The following FGFR4 variants were observed in gnomAD, a reference collection of about 807,000 sequenced individuals.
FGFR4 encodes the protein hydroxyaryl-protein kinase.
A neutral mutation model predicts 89.9 loss-of-function variants in FGFR4; 63 were observed. The observed-to-expected ratio is 0.70, with a 90% confidence interval of 0.57 to 0.86. The LOEUF is 0.86. FGFR4 is among the 40% of genes least tolerant of loss of function. The pLI, the probability that FGFR4 is intolerant of heterozygous loss-of-function variation, is 0.00. For missense variants in FGFR4, 928 were observed against 1,106.7 expected, an observed-to-expected ratio of 0.84 and a Z score of 2.29; for synonymous variants, 486 against 479.4, an observed-to-expected ratio of 1.01 and a Z score of -0.18.
rs769335792 is a variant in FGFR4 at position 177,092,375 on chromosome 5, C to T, written c.782C>T (p.Ala261Val). The T allele has an allele frequency of 6.2e-7, 1 of 1,606,768 alleles. No individual in the cohort carries two copies. Among genetic ancestry groups the T allele is most frequent in the Non-Finnish European group, 8.5e-7 (1 of 1,174,714 alleles). Residue 261 changes from alanine to valine, a missense_variant, in exon 7 of 18, where the codon GCC becomes GTC. Ala to Val is a moderately conservative substitution (Grantham distance 64). Around this residue, in one of 5 missense-constraint regions of FGFR4, gnomAD observed 741 missense variants for 836.9 expected, o/e 0.89. Transcript: ENST00000292408. ...GCCGGGCTCCCGGCCAACACCACAG[C>T]CGTGGTGGGCAGCGACGTGGAGCTG... ...LQAGLPANTTAVVGSDVELLC... is the reference protein window; with the variant it reads ...LQAGLPANTTVVVGSDVELLC...
rs979979470 is a variant in FGFR4, at chr5:177,089,684, G to A, written c.82G>A (p.Val28Met). The A allele has an allele frequency of 5.0e-6, 8 of 1,613,908 alleles. No individual in the cohort carries two copies. The highest frequency in any genetic ancestry group is 1.1e-5 in the South Asian group (1 of 91,026). The change falls in exon 2 of 18, where the codon GTG becomes ATG. Residue 28 changes from valine to methionine, a missense_variant. Transcript: ENST00000292408. ...CTTGTCCCTGGAGGCCTCTGAGGAA[G>A]TGGAGCTTGGTATGGCTTCTGAGGT... ...PVLSLEASEE[V>M]ELEPCLAPSL...
rs576199939 is a variant in FGFR4 at position 177,088,833 on chromosome 5, C to T, written c.-53-717C>T. On this transcript the variant is annotated intron_variant, in intron 1 of 17. Coordinates refer to ENST00000292408, the MANE Select transcript of FGFR4 (RefSeq NM_213647.3). ...CACTCTGCGTGCCGACGCACGTTCT[C>T]TCTTTTATCCTCAAAACAGTCCTAT... is the stretch of plus-strand genomic sequence containing the variant. Among the ~76,000 whole-genome samples the T allele has an allele frequency of 3.7e-5, 5 of 136,402 alleles. No homozygotes were observed. The South Asian group carries it at 1.3e-3, about 35-fold the overall frequency. 89.5% of individuals were successfully genotyped at this position (136,402 alleles called of 152,430 possible).
At position 177,095,221 on chromosome 5, in the gene FGFR4, C is replaced by T. The variant is rs1156604458; in HGVS notation, c.1520-109C>T. 1 of 884,102 alleles carries T rather than the reference C, an allele frequency of 1.1e-6. No individual in the cohort carries two copies. Among genetic ancestry groups the T allele is most frequent in the Non-Finnish European group, 1.9e-6 (1 of 531,640 alleles). The allele number at this position is 884,102 out of a possible 1,614,324, so 54.8% of individuals were successfully genotyped here. On this transcript the variant is annotated intron_variant, in intron 11 of 17. Transcript: ENST00000292408. This position sits in a 1 kb window ranked among gnomAD's most constrained non-coding sequence, Gnocchi z 5.7. ...CCACACAGCCTAGCAAGGATTCAGCCCTAGACCTACGTAGCCCTGGTCCAG... is the reference window on the plus strand; with the variant it reads ...CCACACAGCCTAGCAAGGATTCAGCTCTAGACCTACGTAGCCCTGGTCCAG...
rs752347179 is a variant in FGFR4, at chr5:177,093,518, C to T, written c.1364C>T (p.Pro455Leu). 6.2e-6 allele frequency: 10 copies of T among 1,613,914 alleles called. No individual in the cohort carries two copies. Among genetic ancestry groups the T allele is most frequent in the Admixed American group, 1.7e-5 (1 of 60,030 alleles). The part of the protein sequence containing the change: ...LLAGLVSLDL[P>L]LDPLWEFPRD... ...GCCGGCCTCGTGAGTCTAGATCTAC[C>T]TCTCGACCCACTATGGGAGTTCCCC... Residue 455 changes from proline (P) to leucine (L), a missense_variant, in exon 10 of 18, where the codon CCT becomes CTT. Coordinates refer to ENST00000292408, the MANE Select transcript of FGFR4 (RefSeq NM_213647.3). This position sits in a 1 kb window ranked among gnomAD's most constrained non-coding sequence, Gnocchi z 5.8.
Position 177,095,729 on chromosome 5 carries a change from G to A in FGFR4, c.1821+6G>A, listed in dbSNP as rs1400011698. ...AGTATCTGGAGTCCCGGAAGGTACA[G>A]GCGCTAGGGCTCTGAGCCCCTCTCA... On this transcript the variant is annotated splice_donor_region_variant and intron_variant, in intron 13 of 17. Coordinates refer to ENST00000292408, the MANE Select transcript of FGFR4 (RefSeq NM_213647.3). The surrounding 1 kb of genome is among the most constrained non-coding windows in gnomAD (Gnocchi z 5.7). 6.3e-7 allele frequency: 1 copy of A among 1,581,908 alleles called. No homozygotes were observed. Among genetic ancestry groups the A allele is most frequent in the East Asian group, 2.3e-5 (1 of 44,162 alleles).
chr5:177,093,644 C>G lies in FGFR4; in HGVS notation c.1398-10C>G. 1 of 1,614,172 alleles carries G rather than the reference C, an allele frequency of 6.2e-7. No individual in the cohort carries two copies. The highest frequency in any genetic ancestry group is 8.5e-7 in the Non-Finnish European group (1 of 1,180,022). ...TCGGAGGTCTGAGGCTGGACTTTCT[C>G]CATCTCCAGGCTGGTGCTTGGGAAG... On this transcript the variant is annotated splice_polypyrimidine_tract_variant and intron_variant, in intron 10 of 17. Coordinates refer to ENST00000292408, the MANE Select transcript of FGFR4 (RefSeq NM_213647.3). The surrounding 1 kb of genome is among the most constrained non-coding windows in gnomAD (Gnocchi z 5.8).
intron 2 of FGFR4, 139 bp from the exon 3 acceptor site, chr5:177,090,251 G>T (rs1332227466): frequency 8.2e-7 from 1 of 1,220,374 alleles, no homozygotes; most frequent in Non-Finnish European, 1.2e-6. Flanking sequence ...ATGTGGCTGT[G>T]TGGGTGTCAA....
chr5:177,090,922 T>C lies in FGFR4; in HGVS notation c.437-16T>C, dbSNP rs2149731635. The C allele has an allele frequency of 6.2e-7, 1 of 1,614,126 alleles. No individual in the cohort carries two copies. The highest frequency in any genetic ancestry group is 1.1e-5 in the South Asian group (1 of 91,082). On this transcript the variant is annotated splice_polypyrimidine_tract_variant and intron_variant, in intron 4 of 17. Coordinates refer to ENST00000292408, the MANE Select transcript of FGFR4 (RefSeq NM_213647.3). ...GGAACACACGGTCATTCTAGGGGCC[T>C]TCCCCTGCCCTCCAGCACCCTACTG...
At chr5:177,089,818 G>C in intron 2 of FGFR4, 125 bp downstream of exon 2, 1 of 1,223,596 alleles carries the variant, frequency 8.2e-7, no homozygotes, top group Non-Finnish European at 1.2e-6. Context: ...CGGCAGGGCA[G>C]GGCTCAACCA....
Position 177,088,289 on chromosome 5 carries a change from T to C in FGFR4, c.-54+1212T>C, listed in dbSNP as rs1411490275. 7 of 175,202 alleles carry C rather than the reference T, an allele frequency of 4.0e-5. No individual in the cohort carries two copies. The Admixed American group carries it at 4.4e-4, about 11-fold the overall frequency. The allele number at this position is 175,202 out of a possible 1,614,324, so 10.9% of individuals were successfully genotyped here. A position where few individuals can be genotyped will look rare whatever the true frequency, so the allele number is the denominator to read the frequency against. On this transcript the variant is annotated intron_variant, in intron 1 of 17. Transcript: ENST00000292408. The stretch of plus-strand genomic sequence containing the variant: ...GGATGTTCTCGATCTCCTGACCTCG[T>C]GATCCGCCCACCTCGGCCTCCCAAA...
At position 177,095,513 on chromosome 5, in the gene FGFR4, T is replaced by C; in HGVS notation, c.1631-20T>C. ...CAAAGCTTTGGCAGCCTCTCCACGC[T>C]CCCTCCACTCCCTCTGCAGGGCCCC... On this transcript the variant is annotated intron_variant, in intron 12 of 17. Transcript: ENST00000292408. The surrounding 1 kb of genome is among the most constrained non-coding windows in gnomAD (Gnocchi z 5.7). 6.2e-7 allele frequency: 1 copy of C among 1,611,422 alleles called. No homozygotes were observed. The highest frequency in any genetic ancestry group is 8.5e-7 in the Non-Finnish European group (1 of 1,178,698).
Position 177,090,799 on chromosome 5 carries a change from C to G in FGFR4, c.410C>G (p.Ser137Trp). The G allele has an allele frequency of 6.2e-7, 1 of 1,613,998 alleles. No homozygotes were observed. The highest frequency in any genetic ancestry group is 8.5e-7 in the Non-Finnish European group (1 of 1,179,922). ...DEDPKSHRDP[S>W]NRHSYPQQAP... ...GACCCCAAGTCCCATAGGGACCCCT[C>G]GAATAGGCACAGTTACCCCCAGCAA... The change falls in exon 4 of 18, where the codon TCG becomes TGG. Residue 137 changes from serine (S) to tryptophan (W), a missense_variant. By Grantham distance (177) the Ser-to-Trp change is radical. Coordinates refer to ENST00000292408, the MANE Select transcript of FGFR4 (RefSeq NM_213647.3).
intron 2 of FGFR4, 34 bp from the exon 3 acceptor site, chr5:177,090,356 G>A (rs746293607): frequency 2.5e-5 from 40 of 1,599,292 alleles, no homozygotes; most frequent in Admixed American, 1.5e-4. Flanking sequence ...AGATGGGGCT[G>A]CGGGGTCTGC....
rs553963815 is a variant in FGFR4 at position 177,093,431 on chromosome 5, G to A, written c.1277G>A (p.Gly426Asp). The A allele has an allele frequency of 4.8e-5, 77 of 1,614,062 alleles. No homozygotes were observed. In the South Asian group the frequency reaches 7.6e-4, roughly 16 times the overall value. The stretch of plus-strand genomic sequence containing the variant: ...TTCTCCCTGGAGTCAGGCTCTTCCG[G>A]CAAGTCAAGCTCATCCCTGGTACGA... The part of the protein sequence containing the change: ...RQFSLESGSS[G>D]KSSSSLVRGV... The change falls in exon 10 of 18, where the codon GGC becomes GAC. Residue 426 changes from glycine (G) to aspartate (D), a missense_variant. Physicochemically the swap from Gly to Asp is moderately conservative, Grantham distance 94 (BLOSUM62 -1). Around this residue, in one of 5 missense-constraint regions of FGFR4, gnomAD observed 741 missense variants for 836.9 expected, o/e 0.89. Transcript: ENST00000292408. This position sits in a 1 kb window ranked among gnomAD's most constrained non-coding sequence, Gnocchi z 5.8.
Position 177,089,550 on chromosome 5 carries a change from G to T in FGFR4, c.-53G>T. ...GAGCTCTTTTCCCTCCCTATTTTAG[G>T]AAGGCAGTTGGTGGGAAGTCCAGCT... On this transcript the variant is annotated splice_region_variant and 5_prime_UTR_variant, in exon 2 of 18. Coordinates refer to ENST00000292408, the MANE Select transcript of FGFR4 (RefSeq NM_213647.3). 1 of 1,574,482 alleles carries T rather than the reference G, an allele frequency of 6.4e-7. No homozygotes were observed. Among genetic ancestry groups the T allele is most frequent in the South Asian group, 1.1e-5 (1 of 87,812 alleles).
In FGFR4 at chr5:177,095,478, G is replaced by A. The variant is rs1436688966; in HGVS notation, c.1630+38G>A. ...CGGGGCTGGCTGCACGGGCCGTTAGGGTGCAGAGCCAAAGCTTTGGCAGCC... is the reference window on the plus strand; with the variant it reads ...CGGGGCTGGCTGCACGGGCCGTTAGAGTGCAGAGCCAAAGCTTTGGCAGCC... On this transcript the variant is annotated intron_variant, in intron 12 of 17. Transcript: ENST00000292408. This position sits in a 1 kb window ranked among gnomAD's most constrained non-coding sequence, Gnocchi z 5.7. 2.5e-6 allele frequency: 4 copies of A among 1,613,522 alleles called. No individual in the cohort carries two copies. Among genetic ancestry groups the A allele is most frequent in the Non-Finnish European group, 3.4e-6 (4 of 1,179,702 alleles).
In FGFR4 at chr5:177,093,811, A is replaced by G. The variant is rs1381726995; in HGVS notation, c.1519+36A>G. Reference sequence around the variant, plus strand: ...CCCGGTGTGGTGGCTCACACCTGTAACGCCAGCACTTTAGGAGGCTGAGGG... The same window carrying G: ...CCCGGTGTGGTGGCTCACACCTGTAGCGCCAGCACTTTAGGAGGCTGAGGG... On this transcript the variant is annotated intron_variant, in intron 11 of 17. Coordinates refer to ENST00000292408, the MANE Select transcript of FGFR4 (RefSeq NM_213647.3). The surrounding 1 kb of genome is among the most constrained non-coding windows in gnomAD (Gnocchi z 5.8). 6.3e-7 allele frequency: 1 copy of G among 1,590,192 alleles called. No individual in the cohort carries two copies. The highest frequency in any genetic ancestry group is 1.3e-5 in the African/African-American group (1 of 74,450).
At position 177,095,824 on chromosome 5, in the gene FGFR4, T is replaced by C. The variant is rs1784540318; in HGVS notation, c.1821+101T>C. 8 of 1,322,522 alleles carry C rather than the reference T, an allele frequency of 6.0e-6. No homozygotes were observed. The highest frequency in any genetic ancestry group is 6.1e-6 in the Non-Finnish European group (6 of 982,506). 81.9% of individuals were successfully genotyped at this position (1,322,522 alleles called of 1,614,324 possible). ...ACTTCTCCCTCTCTGCTCTTTTTCA[T>C]GACCCCACCTCAGTGTCCCCAGGCA... On this transcript the variant is annotated intron_variant, in intron 13 of 17. Transcript: ENST00000292408. The surrounding 1 kb of genome is among the most constrained non-coding windows in gnomAD (Gnocchi z 5.7).
intron 5 of FGFR4, 75 bp from the exon 6 acceptor site, chr5:177,091,610 G>A: frequency 6.3e-7 from 1 of 1,581,148 alleles, no homozygotes; most frequent in Non-Finnish European, 8.6e-7. Context: ...GGCAGGATGA[G>A]GATCTAGCCT....
Sources: gnomAD v4.1 joint callset for allele counts (sites outside exome capture counted in the v4.1 genomes callset) on GRCh38, gnomAD v4.1.1 for gene constraint, gnomAD v4.1.1 regional missense constraint, Gnocchi (gnomAD v3.1) non-coding constraint, MANE v1.5 for transcripts, NCBI Gene and HGNC (gene_info 2026-07-23, HGNC 2026-07-21) for gene names.